XIAP: variants seen among roughly 807,000 people sequenced by gnomAD.
XIAP encodes the protein X-linked inhibitor of apoptosis.
In XIAP, 3 loss-of-function variants were observed where a neutral mutation model predicts 33.1. The ratio of observed to expected loss-of-function variants is 0.09; its 90% CI spans 0.04 to 0.23. XIAP has a LOEUF of 0.23. Among genes scored for constraint, XIAP ranks in the 10% least tolerant of loss-of-function variants. The pLI is 1.00. For missense variants in XIAP, 264 were observed against 363.0 expected (o/e 0.73, Z 2.22); for synonymous variants, 98 against 121.3 (o/e 0.81, Z 1.26).
chrX:123,862,458 G>A (rs1023604812), intron 1 of XIAP, among the ~76,000 whole-genome samples: 6 of 106,471 alleles, frequency 5.6e-5, no homozygotes, highest in East Asian at 3.1e-4. Context: ...TGCAACCTCC[G>A]CCTCCCAGGT....
intron 1 of XIAP, among the ~76,000 whole-genome samples, chrX:123,866,882 T>C (rs2053144018): frequency 9.3e-6 from 1 of 107,584 alleles, no homozygotes; most frequent in African/African-American, 3.4e-5. Flanking sequence ...TGAGACGGAG[T>C]CTTGCTCCTG....
At chrX:123,889,221 G>T (rs1341157949) in intron 3 of XIAP, among the ~76,000 whole-genome samples, 1 of 110,592 alleles carries the variant, frequency 9.0e-6, no homozygotes, top group Admixed American at 9.7e-5. Context: ...CTCCCGAGTA[G>T]CTGGGACAAC....
chrX:123,863,414 C>T (rs1159799201), intron 1 of XIAP, among the ~76,000 whole-genome samples: 2 of 109,440 alleles, frequency 1.8e-5, no homozygotes, highest in Non-Finnish European at 3.8e-5. Context: ...ACGCAACATT[C>T]AACTCCAGCC....
intron 6 of XIAP, 29 bp downstream of exon 6, chrX:123,900,722 A>T: frequency 1.7e-6 from 2 of 1,173,901 alleles, no homozygotes; most frequent in Admixed American, 2.2e-5. Flanking sequence ...AAAAAGCAAG[A>T]AAGGGCCAGA....
chrX:123,911,205 C>T lies in XIAP; in HGVS notation c.*4024C>T, dbSNP rs28382750. ...AGATAAGATATAAATCAGCTGGGCG[C>T]GGTGGCTCATGCCTGTAATCCCAGC... On this transcript the variant is annotated 3_prime_UTR_variant, in exon 7 of 7. Coordinates refer to ENST00000371199, the MANE Select transcript of XIAP (RefSeq NM_001167.4). 62 of 321,149 alleles carry T rather than the reference C, an allele frequency of 1.9e-4. No homozygotes were observed. Among genetic ancestry groups the T allele is most frequent in the African/African-American group, 1.5e-3 (50 of 32,611 alleles). The allele number at this position is 321,149 out of a possible 1,213,427, so 26.5% of individuals were successfully genotyped here.
chrX:123,863,700 G>T (rs1052871115), intron 1 of XIAP, among the ~76,000 whole-genome samples: 2 of 111,005 alleles, frequency 1.8e-5, no homozygotes, highest in African/African-American at 6.5e-5. Context: ...TGGAGACGGG[G>T]TTTCTCCATG....
rs749215214 is a variant in XIAP at position 123,912,197 on chromosome X, G to A, written c.*5016G>A. The A allele has an allele frequency of 4.2e-5, 12 of 285,911 alleles. No homozygotes were observed. The highest frequency in any genetic ancestry group is 2.9e-4 in the African/African-American group (9 of 31,062). 23.6% of individuals were successfully genotyped at this position (285,911 alleles called of 1,213,427 possible). A position where few individuals can be genotyped will look rare whatever the true frequency, so the allele number is the denominator to read the frequency against. ...TTTTGCATCCATGGATTCAACCAAG[G>A]AGGAATTGAAAACACTGAGAAAAAA... On this transcript the variant is annotated 3_prime_UTR_variant, in exon 7 of 7. Coordinates refer to ENST00000371199, the MANE Select transcript of XIAP (RefSeq NM_001167.4).
At chrX:123,870,920 C>T (rs1271831231) in intron 1 of XIAP, among the ~76,000 whole-genome samples, 1 of 111,647 alleles carries the variant, frequency 9.0e-6, no homozygotes, top group Non-Finnish European at 1.9e-5. Flanking sequence ...CATAGTAAGA[C>T]CCCATCTCTT....
In XIAP at chrX:123,878,321, A is replaced by G. The variant is rs956764940; in HGVS notation, c.-32-7310A>G. On this transcript the variant is annotated intron_variant, in intron 1 of 6. Coordinates refer to ENST00000371199, the MANE Select transcript of XIAP (RefSeq NM_001167.4). Reference sequence around the variant, plus strand: ...TTAGTATATGCAGAGTTGTGCAACTATCACCACAATCTAATTTTAGAACAT... The same window carrying G: ...TTAGTATATGCAGAGTTGTGCAACTGTCACCACAATCTAATTTTAGAACAT... Among the ~76,000 whole-genome samples, 9 of 111,903 alleles carry G rather than the reference A, an allele frequency of 8.0e-5. No individual in the cohort carries two copies. The East Asian group carries it at 2.2e-3, about 28-fold the overall frequency.
In XIAP at chrX:123,909,396, T is replaced by C. The variant is rs1464536883; in HGVS notation, c.*2215T>C. ...AATGACTGCCCTGTTTCTGTTTTAG[T>C]ATGTAAATCCTCAGTTCTTCACCTT... On this transcript the variant is annotated 3_prime_UTR_variant, in exon 7 of 7. Transcript: ENST00000371199. 6.1e-6 allele frequency: 2 copies of C among 327,995 alleles called. No homozygotes were observed. The highest frequency in any genetic ancestry group is 2.6e-5 in the African/African-American group (1 of 37,741). The allele number at this position is 327,995 out of a possible 1,213,427, so 27.0% of individuals were successfully genotyped here.
At chrX:123,905,989 A>G (rs746899054) in intron 6 of XIAP, among the ~76,000 whole-genome samples, 1 of 112,716 alleles carries the variant, frequency 8.9e-6, no homozygotes, top group African/African-American at 3.2e-5. Flanking sequence ...TTTGGAAACC[A>G]CTGGTACATA....
intron 5 of XIAP, among the ~76,000 whole-genome samples, chrX:123,897,508 A>G (rs2053472061): frequency 2.0e-5 from 2 of 101,159 alleles, no homozygotes; most frequent in African/African-American, 6.9e-5. Flanking sequence ...GGAGGATAAT[A>G]AAACCTTGTA....
At chrX:123,901,060 G>A (rs2148107719) in intron 6 of XIAP, among the ~76,000 whole-genome samples, 1 of 103,714 alleles carries the variant, frequency 9.6e-6, no homozygotes, top group South Asian at 5.0e-4. Flanking sequence ...TCTACTTTTA[G>A]GAACACTAAT....
rs775123363 is a variant in XIAP at position 123,906,978 on chromosome X, C to G, written c.1301-10C>G. On this transcript the variant is annotated splice_polypyrimidine_tract_variant and intron_variant, in intron 6 of 6. Coordinates refer to ENST00000371199, the MANE Select transcript of XIAP (RefSeq NM_001167.4). ...TCTAAAACTAGCATAATTATTTTCT[C>G]TTTTTGCAGAGATTAGTACTGAAGA... The G allele has an allele frequency of 1.7e-6, 2 of 1,210,319 alleles. No homozygotes were observed. The highest frequency in any genetic ancestry group is 3.0e-5 in the East Asian group (1 of 33,844).
At chrX:123,860,421 A>C in intron 1 of XIAP, 128 bp downstream of exon 1, 1 of 288,447 alleles carries the variant, frequency 3.5e-6, no homozygotes, top group East Asian at 1.0e-4. Context: ...AGGCCGCGCC[A>C]GCCCATCAGG....
Position 123,867,049 on chromosome X carries a change from C to A in XIAP, c.-33+6756C>A, listed in dbSNP as rs146684013. Among the ~76,000 whole-genome samples the A allele has an allele frequency of 5.6e-3, 308 of 54,951 alleles. 13 individuals carry two copies. Among genetic ancestry groups the A allele is most frequent in the Middle Eastern group, 8.8e-3 (1 of 113 alleles). 47.7% of individuals were successfully genotyped at this position (54,951 alleles called of 115,157 possible). ...CAGGTTGTTTTAATCCCCCCCCCCC[C>A]TTCAACATTCTATAGTTAACATTTC... On this transcript the variant is annotated intron_variant, in intron 1 of 6. Coordinates refer to ENST00000371199, the MANE Select transcript of XIAP (RefSeq NM_001167.4).
intron 3 of XIAP, among the ~76,000 whole-genome samples, chrX:123,889,867 TG>T (rs1403348726): frequency 1.8e-5 from 2 of 110,151 alleles, no homozygotes; most frequent in Non-Finnish European, 3.8e-5. Flanking sequence ...TGTGCTTTTT[TG>T]TTGTTGGAAG....
At chrX:123,895,300 A>T (rs2053449980) in intron 5 of XIAP, among the ~76,000 whole-genome samples, 1 of 112,504 alleles carries the variant, frequency 8.9e-6, no homozygotes, top group South Asian at 3.6e-4. Context: ...TCTATTGTAG[A>T]AAAAGAGTCC....
chrX:123,885,540 T>G (rs2053343454), intron 1 of XIAP, 91 bp from the exon 2 acceptor site: 1 of 724,948 alleles, frequency 1.4e-6, no homozygotes, highest in African/African-American at 2.1e-5. Context: ...TATTTTTATG[T>G]CATAAGTGGA....
Sources: allele counts gnomAD v4.1 joint callset (sites outside exome capture counted in the v4.1 genomes callset), GRCh38; gene constraint gnomAD v4.1.1; transcripts MANE v1.5; gene names NCBI Gene and HGNC (gene_info 2026-07-23, HGNC 2026-07-21).